EPHA6: variants seen among roughly 807,000 people sequenced by gnomAD.
The protein encoded by EPHA6 is ephrin type-A receptor 6.
EPHA6 carries 50 observed loss-of-function variants against 112.0 expected under a neutral mutation model. That is an observed-to-expected ratio of 0.45 (90% CI 0.36 to 0.56). The LOEUF is 0.56. EPHA6 is among the 20% of genes least tolerant of loss of function. EPHA6 has a pLI of 0.00. For synonymous variants in EPHA6, 529 were observed against 490.7 expected (o/e 1.08, Z -1.03); for missense variants, 1,280 against 1,417.4 (o/e 0.90, Z 1.56).
intron 11 of EPHA6, among the ~76,000 whole-genome samples, chr3:97,555,841 G>A (rs1488061577): frequency 2.0e-5 from 3 of 151,986 alleles, no homozygotes; most frequent in African/African-American, 4.8e-5. Flanking sequence ...TTTGTCAGAC[G>A]AGTAGGTTGC....
intron 2 of EPHA6, among the ~76,000 whole-genome samples, chr3:96,956,486 G>T (rs4522785): frequency 0.012 from 1,855 of 152,180 alleles, 35 homozygotes; most frequent in African/African-American, 0.04. Flanking sequence ...GACTCAGCTG[G>T]TATTTTCATT....
chr3:97,453,910 C>A (rs529038808), intron 7 of EPHA6, among the ~76,000 whole-genome samples: 39 of 151,746 alleles, frequency 2.6e-4, no homozygotes, highest in African/African-American at 8.4e-4. Flanking sequence ...CTTAAAAGTT[C>A]TAAATCATTG....
intron 2 of EPHA6, among the ~76,000 whole-genome samples, chr3:96,955,884 A>G (rs1003797239): frequency 2.0e-5 from 3 of 152,194 alleles, no homozygotes; most frequent in Non-Finnish European, 2.9e-5. Flanking sequence ...ACAAATACAA[A>G]CTATGTTTTT....
chr3:97,073,636 A>G (rs1358355339), intron 3 of EPHA6, among the ~76,000 whole-genome samples: 3 of 152,126 alleles, frequency 2.0e-5, no homozygotes, highest in African/African-American at 7.2e-5. Flanking sequence ...CAAACAATTC[A>G]ACAGGATATA....
At chr3:97,101,937 C>T (rs1036643704) in intron 3 of EPHA6, among the ~76,000 whole-genome samples, 2 of 151,932 alleles carry the variant, frequency 1.3e-5, no homozygotes, top group African/African-American at 2.4e-5. Flanking sequence ...TTTCAGTTTC[C>T]TCCCAAATGA....
intron 15 of EPHA6, among the ~76,000 whole-genome samples, chr3:97,730,211 A>G (rs1559633250): frequency 6.6e-6 from 1 of 152,078 alleles, no homozygotes; most frequent in African/African-American, 2.4e-5. Flanking sequence ...TCTTTGATTC[A>G]GAAACCATCA....
chr3:97,355,533 A>C (rs999387301), intron 5 of EPHA6, among the ~76,000 whole-genome samples: 3 of 152,204 alleles, frequency 2.0e-5, no homozygotes, highest in Non-Finnish European at 4.4e-5. Flanking sequence ...ACAACAGACA[A>C]AAAAATAAAA....
intron 3 of EPHA6, among the ~76,000 whole-genome samples, chr3:97,092,926 G>A (rs1208411346): frequency 1.3e-5 from 2 of 152,106 alleles, no homozygotes; most frequent in Non-Finnish European, 2.9e-5. Flanking sequence ...AACACAGCAT[G>A]ATTCAGGGAG....
chr3:97,303,178 A>G, intron 5 of EPHA6, among the ~76,000 whole-genome samples: 1 of 152,090 alleles, frequency 6.6e-6, no homozygotes, highest in South Asian at 2.1e-4. Flanking sequence ...AATGATTTTA[A>G]TGTTAGAAAG....
At chr3:97,201,691 G>T (rs1042606285) in intron 3 of EPHA6, among the ~76,000 whole-genome samples, 2 of 152,018 alleles carry the variant, frequency 1.3e-5, no homozygotes, top group South Asian at 2.1e-4. Flanking sequence ...TATTGTAATT[G>T]CAGTGCTTGT....
At position 97,347,383 on chromosome 3, in the gene EPHA6, G is replaced by A. The variant is rs570013061; in HGVS notation, c.1607-57767G>A. Among the ~76,000 whole-genome samples, 6 of 152,130 alleles carry A rather than the reference G, an allele frequency of 3.9e-5. No homozygotes were observed. The South Asian group carries it at 1.2e-3, about 32-fold the overall frequency. ...AAATACACAAACTCCACTAGGGTAA[G>A]AACAGTGTTTGTTTTGTTCAATATT... On this transcript the variant is annotated intron_variant, in intron 5 of 17. Transcript: ENST00000389672.
intron 2 of EPHA6, among the ~76,000 whole-genome samples, chr3:96,974,079 TTAA>T (rs1225173449): frequency 3.4e-5 from 5 of 146,198 alleles, no homozygotes; most frequent in African/African-American, 9.9e-5. Context: ...TGTAGTATGA[TTAA>T]TAATTATAAA....
At chr3:97,522,508 T>G (rs75675470) in intron 10 of EPHA6, among the ~76,000 whole-genome samples, 89 of 152,324 alleles carry the variant, frequency 5.8e-4, no homozygotes, top group African/African-American at 2.0e-3. Flanking sequence ...CTTGTAGTTC[T>G]GTTTTTTTAT....
rs1268299608 is a variant in EPHA6 at position 97,246,758 on chromosome 3, G to A, written c.1606+2471G>A. On this transcript the variant is annotated intron_variant, in intron 5 of 17. Coordinates refer to ENST00000389672, the MANE Select transcript of EPHA6 (RefSeq NM_001080448.3). Reference sequence around the variant, plus strand: ...ATATTATGACCAGCCTTAAATATAAGCATCTACCTCCATGTCATAATTTTG... The same window carrying A: ...ATATTATGACCAGCCTTAAATATAAACATCTACCTCCATGTCATAATTTTG... Among the ~76,000 whole-genome samples the A allele has an allele frequency of 2.0e-5, 3 of 151,756 alleles. No individual in the cohort carries two copies. The South Asian group carries it at 6.2e-4, about 32-fold the overall frequency.
chr3:97,464,410 C>T (rs1041220487), intron 7 of EPHA6, among the ~76,000 whole-genome samples: 1 of 152,000 alleles, frequency 6.6e-6, no homozygotes. Context: ...ACTTTCATAT[C>T]AATAGATGAT....
At chr3:96,926,237 T>C (rs1027143952) in intron 2 of EPHA6, among the ~76,000 whole-genome samples, 1 of 152,106 alleles carries the variant, frequency 6.6e-6, no homozygotes, top group Non-Finnish European at 1.5e-5. Flanking sequence ...AACCATCAGA[T>C]CTTGTGAAAG....
chr3:96,839,827 C>T (rs903919827), intron 1 of EPHA6, among the ~76,000 whole-genome samples: 4 of 151,932 alleles, frequency 2.6e-5, no homozygotes, highest in South Asian at 2.1e-4. Context: ...TTTGTTAGCA[C>T]AGCAGTAAAT....
rs1430312401 is a variant in EPHA6, at chr3:97,071,701, G to C, written c.1114+83708G>C. 2.0e-5 allele frequency among the ~76,000 whole-genome samples: 3 copies of C among 151,916 alleles called. No individual in the cohort carries two copies. In the East Asian group the frequency reaches 5.8e-4, roughly 29 times the overall value. On this transcript the variant is annotated intron_variant, in intron 3 of 17. Transcript: ENST00000389672. The stretch of plus-strand genomic sequence containing the variant: ...TATAATTCAAGTTGAGATTTGGGTG[G>C]GGACACAGCCAAACCATATCACATT...
chr3:97,431,292 A>G (rs992582294), intron 6 of EPHA6, among the ~76,000 whole-genome samples: 1 of 152,184 alleles, frequency 6.6e-6, no homozygotes, highest in African/African-American at 2.4e-5. Flanking sequence ...TGAAAAAAGT[A>G]AAAATTGAAA....
Sources: allele counts gnomAD v4.1 joint callset (sites outside exome capture counted in the v4.1 genomes callset), GRCh38; gene constraint gnomAD v4.1.1; transcripts MANE v1.5; gene names NCBI Gene and HGNC (gene_info 2026-07-23, HGNC 2026-07-21).